The following HDAC4 variants were observed in gnomAD, a reference collection of about 807,000 sequenced individuals.
The protein encoded by HDAC4 is histone deacetylase A.
HDAC4 carries 16 observed loss-of-function variants against 135.1 expected under a neutral mutation model. The ratio of observed to expected loss-of-function variants is 0.12; its 90% confidence interval spans 0.08 to 0.18. The LOEUF (loss-of-function observed/expected upper bound fraction) is 0.18. Among genes scored for constraint, HDAC4 ranks in the 10% least tolerant of loss-of-function variants. The pLI is 1.00. For synonymous variants in HDAC4, 685 were observed against 653.4 expected, an observed-to-expected ratio of 1.05 and a Z score of -0.74; for missense variants, 1,143 against 1,511.8, an observed-to-expected ratio of 0.76 and a Z score of 4.05.
chr2:239,401,620 C>T (rs1168439998), upstream of HDAC4: 1 of 250,452 alleles, frequency 4.0e-6, no homozygotes, highest in Non-Finnish European at 7.8e-6. Context: ...CCGGCCAGGC[C>T]TCGCCGCGGC....
chr2:239,361,799 C>A (rs895578881), intron 1 of HDAC4, among the ~76,000 whole-genome samples: 1 of 152,146 alleles, frequency 6.6e-6, no homozygotes, highest in African/African-American at 2.4e-5. Context: ...ACATAAAAAC[C>A]TACTAGAAAT....
intron 4 of HDAC4, among the ~76,000 whole-genome samples, chr2:239,179,756 G>T (rs1360845058): frequency 2.6e-5 from 4 of 152,250 alleles, no homozygotes; most frequent in Non-Finnish European, 5.9e-5. Flanking sequence ...ACAGAGTAGG[G>T]CCAGCAGGGA....
At chr2:239,381,998 T>C (rs1380649952) in intron 1 of HDAC4, among the ~76,000 whole-genome samples, 3 of 152,238 alleles carry the variant, frequency 2.0e-5, no homozygotes, top group Admixed American at 1.3e-4. Context: ...ACAGTCCCAG[T>C]TGCTCAGGCC....
At chr2:239,188,153 G>A (rs1559199470) in intron 4 of HDAC4, among the ~76,000 whole-genome samples, 1 of 152,302 alleles carries the variant, frequency 6.6e-6, no homozygotes, top group East Asian at 1.9e-4. Flanking sequence ...CACCTTTGAA[G>A]CACAGGCACT....
intron 1 of HDAC4, among the ~76,000 whole-genome samples, chr2:239,371,991 G>A (rs1315773025): frequency 2.6e-5 from 4 of 152,332 alleles, no homozygotes; most frequent in East Asian, 1.9e-4. Flanking sequence ...AGCTGCACCC[G>A]CAGAGCTGCA....
Position 239,068,424 on chromosome 2 carries a change from G to T in HDAC4, c.2869+65C>A. 8.6e-7 allele frequency: 1 copy of T among 1,160,772 alleles called. No homozygotes were observed. The highest frequency in any genetic ancestry group is 1.3e-6 in the Non-Finnish European group (1 of 767,730). 71.9% of individuals were successfully genotyped at this position (1,160,772 alleles called of 1,614,324 possible). The stretch of plus-strand genomic sequence containing the variant: ...CGTTATTAAAAAGGGGACCTGACAC[G>T]CGGAACACAGCGGATCATGGACATG... On this transcript the variant is annotated intron_variant, in intron 23 of 26. Coordinates refer to ENST00000543185, the MANE Select transcript of HDAC4 (RefSeq NM_001378414.1). This position sits in a 1 kb window ranked among gnomAD's most constrained non-coding sequence, Gnocchi z 4.4.
chr2:239,076,409 T>C (rs2034770265), intron 22 of HDAC4, among the ~76,000 whole-genome samples: 1 of 152,180 alleles, frequency 6.6e-6, no homozygotes, highest in African/African-American at 2.4e-5. Flanking sequence ...CATACCATCC[T>C]CAAAAGCCAC....
chr2:239,124,763 GAC>G (rs1559475556), intron 12 of HDAC4, among the ~76,000 whole-genome samples: 1,298 of 124,268 alleles, frequency 0.01, 44 homozygotes, highest in African/African-American at 0.011. Flanking sequence ...CATGTTATGT[GAC>G]ATTCTGGTGT....
intron 2 of HDAC4, among the ~76,000 whole-genome samples, chr2:239,266,242 T>G (rs1357590965): frequency 6.6e-6 from 1 of 152,170 alleles, no homozygotes; most frequent in Non-Finnish European, 1.5e-5. Context: ...CTACTTCCTG[T>G]AGCAGAGCCG....
At chr2:239,147,078 C>T (rs1575185879) in intron 7 of HDAC4, among the ~76,000 whole-genome samples, 1 of 152,218 alleles carries the variant, frequency 6.6e-6, no homozygotes, top group Admixed American at 6.5e-5. Context: ...CTGACTCCCC[C>T]GCAGAACCTA....
chr2:239,363,671 C>T (rs1693997125), intron 1 of HDAC4, among the ~76,000 whole-genome samples: 1 of 151,788 alleles, frequency 6.6e-6, no homozygotes, highest in Admixed American at 6.6e-5. Context: ...TTCAGGTGGG[C>T]AAAGATAGAC....
intron 4 of HDAC4, among the ~76,000 whole-genome samples, chr2:239,184,388 A>T (rs1299754332): frequency 6.1e-5 from 7 of 114,270 alleles, no homozygotes; most frequent in African/African-American, 2.5e-4. Context: ...GGGGTCCCCC[A>T]GTGTCTGTCC....
chr2:239,390,452 TA>T (rs1696122460), intron 1 of HDAC4, among the ~76,000 whole-genome samples: 1 of 152,156 alleles, frequency 6.6e-6, no homozygotes, highest in African/African-American at 2.4e-5. Flanking sequence ...GAGAACTGCT[TA>T]AGCTGGGAGA....
intron 2 of HDAC4, among the ~76,000 whole-genome samples, chr2:239,289,903 T>C (rs1575619536): frequency 1.3e-5 from 2 of 152,366 alleles, no homozygotes; most frequent in Non-Finnish European, 2.9e-5. Flanking sequence ...AACCTTATCC[T>C]CTTGATGGTT....
At chr2:239,390,970 G>A (rs1696159148) in intron 1 of HDAC4, among the ~76,000 whole-genome samples, 1 of 152,230 alleles carries the variant, frequency 6.6e-6, no homozygotes, top group South Asian at 2.1e-4. Flanking sequence ...CACAGTCTCA[G>A]GGCAGCTCCC....
intron 1 of HDAC4, among the ~76,000 whole-genome samples, chr2:239,373,558 G>C (rs1011765236): frequency 6.6e-6 from 1 of 151,262 alleles, no homozygotes; most frequent in Non-Finnish European, 1.5e-5. Context: ...CCACCTCCCA[G>C]GTTCAAGCGA....
At chr2:239,269,770 C>G (rs1015123779) in intron 2 of HDAC4, among the ~76,000 whole-genome samples, 7 of 152,202 alleles carry the variant, frequency 4.6e-5, no homozygotes, top group African/African-American at 1.2e-4. Context: ...GTCATTTCAA[C>G]TTAAAGACAC....
At chr2:239,119,907 CCAGCGG>C (rs1198604820) in intron 12 of HDAC4, among the ~76,000 whole-genome samples, 9 of 151,880 alleles carry the variant, frequency 5.9e-5, no homozygotes, top group African/African-American at 1.5e-4. Context: ...GAGGCTGGGT[CCAGCGG>C]CAGTGGGGAC....
Position 239,141,623 on chromosome 2 carries a change from C to T in HDAC4, c.866-1827G>A, listed in dbSNP as rs1464309257. Among the ~76,000 whole-genome samples the T allele has an allele frequency of 6.6e-6, 1 of 152,148 alleles. No homozygotes were observed. Among genetic ancestry groups the T allele is most frequent in the Non-Finnish European group, 1.5e-5 (1 of 68,042 alleles). On this transcript the variant is annotated intron_variant, in intron 8 of 26. Transcript: ENST00000543185. The surrounding 1 kb of genome is among the most constrained non-coding windows in gnomAD (Gnocchi z 4.9). ...CTCCAACTCTCCCATCTCTGCCCCA[C>T]CTGCAGCCCACCGTAGCCCACCCTA...
Sources: allele counts gnomAD v4.1 joint callset (sites outside exome capture counted in the v4.1 genomes callset), GRCh38; gene constraint gnomAD v4.1.1; non-coding constraint Gnocchi (gnomAD v3.1); transcripts MANE v1.5; gene names NCBI Gene and HGNC (gene_info 2026-07-23, HGNC 2026-07-21).